The following BRI3BP variants were observed in gnomAD, a reference collection of about 807,000 sequenced individuals.
BRI3BP encodes BRI3 binding protein.
Under a neutral mutation model 15.8 loss-of-function variants are expected in BRI3BP, and 7 were observed. The observed-to-expected ratio is 0.44, with a 90% CI of 0.25 to 0.83. The LOEUF (loss-of-function observed/expected upper bound fraction) is 0.83. Ranked by LOEUF, BRI3BP falls within the 40% of genes least tolerant of loss-of-function variation. The probability of loss-of-function intolerance (pLI) is 0.20; values close to 1 mark genes in which losing one functional copy is unlikely to be tolerated. For synonymous variants in BRI3BP, 192 were observed against 163.5 expected (o/e 1.17, Z -1.33); for missense variants, 320 against 339.3 (o/e 0.94, Z 0.45).
intron 1 of BRI3BP, among the ~76,000 whole-genome samples, chr12:125,008,307 T>A (rs1955165644): frequency 2.1e-5 from 3 of 145,154 alleles, no homozygotes; most frequent in Admixed American, 6.9e-5. Context: ...TTCTTTTTTT[T>A]TTTTTTTTTT....
intron 2 of BRI3BP, among the ~76,000 whole-genome samples, chr12:125,022,671 T>TAGCTGGGATTATA (rs1417717456): frequency 6.6e-6 from 1 of 151,900 alleles, no homozygotes; most frequent in East Asian, 1.9e-4. Flanking sequence ...GGATTACAGG[T>TAGCTGGGATTATA]GTGCGCCACC....
At chr12:125,050,197 A>G in the BRI3BP span, among the ~76,000 whole-genome samples, 1 of 152,056 alleles carries the variant, frequency 6.6e-6, no homozygotes, top group African/African-American at 2.4e-5. Context: ...CTAAAATACA[A>G]AAATTAGCTG....
Position 125,002,587 on chromosome 12 carries a change from G to C in BRI3BP, c.213+8584G>C, listed in dbSNP as rs560645460. ...TTCTCCTGCCTCAGCCTCCCGAGTA[G>C]CTGGGACTACAGGCACCCGCCACCA... is the stretch of plus-strand genomic sequence containing the variant. On this transcript the variant is annotated intron_variant, in intron 1 of 2. Transcript: ENST00000341446. 2.5e-3 allele frequency among the ~76,000 whole-genome samples: 381 copies of C among 152,080 alleles called. 1 individual carries two copies. Among genetic ancestry groups the C allele is most frequent in the Middle Eastern group, 0.014 (4 of 294 alleles).
At chr12:125,032,308 AT>A (rs1955412064), downstream of BRI3BP, among the ~76,000 whole-genome samples, 1 of 152,084 alleles carries the variant, frequency 6.6e-6, no homozygotes, top group African/African-American at 2.4e-5. Flanking sequence ...TAAGAATGCA[AT>A]TAGCCGGGCG....
rs1409645843 is a variant in BRI3BP, at chr12:125,025,350, C to A, written c.676C>A (p.His226Asn). ...CCCCAGCGTGGAGGAGAAGCTGGAGCACCTGGAGAAGCAGGTCAGACTGCT... is the reference window on the plus strand; with the variant it reads ...CCCCAGCGTGGAGGAGAAGCTGGAGAACCTGGAGAAGCAGGTCAGACTGCT... ...SNPSVEEKLE[H>N]LEKQVRLLNI... is the part of the protein sequence containing the mutation. Residue 226 changes from histidine (H) to asparagine (N), a missense_variant, in exon 3 of 3, where the codon CAC (histidine) becomes AAC (asparagine). Physicochemically the swap from His to Asn is moderately conservative, Grantham distance 68. Coordinates refer to ENST00000341446, the MANE Select transcript of BRI3BP (RefSeq NM_080626.6). The A allele has an allele frequency of 2.5e-6, 4 of 1,612,952 alleles. No homozygotes were observed. Among genetic ancestry groups the A allele is most frequent in the Non-Finnish European group, 2.5e-6 (3 of 1,179,648 alleles).
At chr12:125,045,009 G>A in the BRI3BP span, among the ~76,000 whole-genome samples, 1 of 152,142 alleles carries the variant, frequency 6.6e-6, no homozygotes, top group African/African-American at 2.4e-5. Flanking sequence ...CATAATGCCA[G>A]TTACTTCCAA....
chr12:124,999,853 C>T (rs36150805), intron 1 of BRI3BP, among the ~76,000 whole-genome samples: 2 of 132,622 alleles, frequency 1.5e-5, no homozygotes, highest in Non-Finnish European at 3.4e-5. Flanking sequence ...ATTTCCTGAC[C>T]TCGTGATCCG....
At chr12:125,012,869 A>G (rs1458246237) in intron 2 of BRI3BP, among the ~76,000 whole-genome samples, 1 of 152,170 alleles carries the variant, frequency 6.6e-6, no homozygotes, top group Non-Finnish European at 1.5e-5. Flanking sequence ...CTTGAACCCA[A>G]GAATTCAAGA....
chr12:125,049,747 A>G, the BRI3BP span, among the ~76,000 whole-genome samples: 1 of 152,228 alleles, frequency 6.6e-6, no homozygotes, highest in Non-Finnish European at 1.5e-5. Flanking sequence ...CCGATCTTCC[A>G]GACGCGGAGG....
At chr12:125,003,342 G>T (rs1164960051) in intron 1 of BRI3BP, among the ~76,000 whole-genome samples, 1 of 152,274 alleles carries the variant, frequency 6.6e-6, no homozygotes, top group African/African-American at 2.4e-5. Context: ...AAGCAATCTT[G>T]TTCCCTCCCA....
chr12:125,033,515 C>G (rs1955420903), downstream of BRI3BP, among the ~76,000 whole-genome samples: 1 of 152,076 alleles, frequency 6.6e-6, no homozygotes, highest in Admixed American at 6.6e-5. Context: ...TTCTTCCATC[C>G]TTCCCCTCCT....
At chr12:125,050,364 A>G in the BRI3BP span, among the ~76,000 whole-genome samples, 4 of 151,850 alleles carry the variant, frequency 2.6e-5, no homozygotes, top group African/African-American at 9.7e-5. Flanking sequence ...AAAAAAAAAG[A>G]ATAAATTAAT....
At chr12:125,014,234 TC>T (rs1016738714) in intron 2 of BRI3BP, among the ~76,000 whole-genome samples, 4 of 152,146 alleles carry the variant, frequency 2.6e-5, no homozygotes, top group Non-Finnish European at 4.4e-5. Context: ...AGGCCGCTCT[TC>T]CCCTGGGCCT....
At chr12:125,010,117 G>A (rs980719356) in intron 1 of BRI3BP, among the ~76,000 whole-genome samples, 3 of 151,580 alleles carry the variant, frequency 2.0e-5, no homozygotes, top group South Asian at 2.1e-4. Flanking sequence ...AAAAAAAGAA[G>A]AAGAATATTG....
chr12:125,001,901 GC>G (rs1465793999), intron 1 of BRI3BP, among the ~76,000 whole-genome samples: 1 of 151,820 alleles, frequency 6.6e-6, no homozygotes, highest in African/African-American at 2.4e-5. Context: ...TTTTTCCTTT[GC>G]CCCAACTCCC....
At chr12:125,051,127 T>C in the BRI3BP span, among the ~76,000 whole-genome samples, 30 of 152,370 alleles carry the variant, frequency 2.0e-4, no homozygotes, top group East Asian at 5.8e-3. Flanking sequence ...GTCTGGCTGG[T>C]CTGAGTCTCT....
downstream of BRI3BP, among the ~76,000 whole-genome samples, chr12:125,032,038 G>A (rs1955409675): frequency 1.3e-5 from 2 of 152,154 alleles, no homozygotes; most frequent in South Asian, 4.1e-4. Context: ...GGGAAAGCAG[G>A]CAGGTGAGCG....
chr12:125,009,705 G>T (rs939504649), intron 1 of BRI3BP, among the ~76,000 whole-genome samples: 9 of 152,130 alleles, frequency 5.9e-5, no homozygotes, highest in East Asian at 5.8e-4. Flanking sequence ...CCAAAGTGCT[G>T]GGATTATAGG....
Position 124,997,032 on chromosome 12 carries a change from T to TAG in BRI3BP, c.213+3032_213+3033dup, listed in dbSNP as rs776984324. 1.9e-4 allele frequency among the ~76,000 whole-genome samples: 29 copies of TAG among 151,600 alleles called. 1 individual carries two copies. In the East Asian group the frequency reaches 5.3e-3, roughly 28 times the overall value. ...CCTCAGCCTCCCAAAGTGCTATGATTAGAGGCTTGAGCCACCGTGCCCGGC... is the reference window on the plus strand; with the variant it reads ...CCTCAGCCTCCCAAAGTGCTATGATTAGAGAGGCTTGAGCCACCGTGCCCGGC... On this transcript the variant is annotated intron_variant, in intron 1 of 2. Transcript: ENST00000341446.
Sources: allele counts gnomAD v4.1 joint callset (sites outside exome capture counted in the v4.1 genomes callset), GRCh38; gene constraint gnomAD v4.1.1; transcripts MANE v1.5; gene names NCBI Gene and HGNC (gene_info 2026-07-23, HGNC 2026-07-21).